Variants in KCNH6 observed in about 807,000 individuals in gnomAD.
KCNH6 encodes voltage-gated inwardly rectifying potassium channel KCNH6.
Under a neutral mutation model 83.4 loss-of-function variants are expected in KCNH6, and 81 were observed. That is an observed-to-expected ratio of 0.97 (90% CI 0.81 to 1.17). The LOEUF (loss-of-function observed/expected upper bound fraction) is 1.17. Among genes scored for constraint, KCNH6 ranks in the 50% most tolerant of loss-of-function variants. The probability of loss-of-function intolerance (pLI) is 0.00; values close to 1 mark genes in which losing one functional copy is unlikely to be tolerated. For synonymous variants in KCNH6, 503 were observed against 545.6 expected (o/e 0.92, Z 1.09); for missense variants, 1,203 against 1,290.5 (o/e 0.93, Z 1.04).
At position 63,536,020 on chromosome 17, in the gene KCNH6, A is replaced by T; in HGVS notation, c.1453A>T (p.Asn485Tyr). 1 of 1,613,774 alleles carries T rather than the reference A, an allele frequency of 6.2e-7. No homozygotes were observed. Among genetic ancestry groups the T allele is most frequent in the East Asian group, 2.2e-5 (1 of 44,886 alleles). Residue 485 changes from asparagine (N) to tyrosine (Y), a missense_variant, in exon 6 of 13, where the codon AAC (asparagine) becomes TAC (tyrosine). By Grantham distance (143) the Asn-to-Tyr change is moderately radical. Transcript: ENST00000314672. ...CGTGGGCTTCGGCAATGTCTCGCCC[A>T]ACACCAACTCCGAGAAGGTCTTCTC... is the stretch of plus-strand genomic sequence containing the variant. Reference protein sequence around the residue: ...TSVGFGNVSPNTNSEKVFSIC... With the variant: ...TSVGFGNVSPYTNSEKVFSIC...
In KCNH6 at chr17:63,535,412, GC is replaced by G. The variant is rs2032415790; in HGVS notation, c.1102-255del. ...GCTCATGCGTCACCTCATCCATGAA[GC>G]CTCCCCTGACCTCCCCTTCCTCTGT... On this transcript the variant is annotated intron_variant, in intron 5 of 12. Transcript: ENST00000314672. The surrounding 1 kb of genome is among the most constrained non-coding windows in gnomAD (Gnocchi z 4.9). 6.6e-6 allele frequency among the ~76,000 whole-genome samples: 1 copy of G among 152,138 alleles called. No homozygotes were observed. The highest frequency in any genetic ancestry group is 6.5e-5 in the Admixed American group (1 of 15,274).
Position 63,535,638 on chromosome 17 carries a change from C to T in KCNH6, c.1102-31C>T. On this transcript the variant is annotated intron_variant, in intron 5 of 12. Transcript: ENST00000314672. The surrounding 1 kb of genome is among the most constrained non-coding windows in gnomAD (Gnocchi z 4.9). ...ACTGCACCCTTCCAAGGGCTGACCC[C>T]AGCCCTGTGACCATTTCCCTACCCC... 6.4e-7 allele frequency: 1 copy of T among 1,570,786 alleles called. No individual in the cohort carries two copies. Among genetic ancestry groups the T allele is most frequent in the Non-Finnish European group, 8.7e-7 (1 of 1,154,474 alleles).
chr17:63,530,844 A>C (rs1380676110), intron 4 of KCNH6, among the ~76,000 whole-genome samples: 1 of 152,158 alleles, frequency 6.6e-6, no homozygotes. Context: ...ATGGACATGG[A>C]GGCCACCATG....
chr17:63,548,009 T>C (rs1194224898), downstream of KCNH6, among the ~76,000 whole-genome samples: 3 of 149,672 alleles, frequency 2.0e-5, no homozygotes, highest in Admixed American at 2.0e-4. Flanking sequence ...CTCACACCTG[T>C]AATCCCAGCA....
chr17:63,527,941 G>A (rs116079705), intron 2 of KCNH6, among the ~76,000 whole-genome samples: 24 of 152,294 alleles, frequency 1.6e-4, no homozygotes, highest in African/African-American at 5.3e-4. Flanking sequence ...CTGCTATAAC[G>A]GGCTGGTCTT....
Position 63,534,459 on chromosome 17 carries a change from C to T in KCNH6, c.1101+148C>T. The stretch of plus-strand genomic sequence containing the variant: ...GTGGAGGTGGAGAGGAGGCCCCAAA[C>T]ATCTGTCACCTCCCAGCCCTGGAGA... On this transcript the variant is annotated intron_variant, in intron 5 of 12. Transcript: ENST00000314672. The surrounding 1 kb of genome is among the most constrained non-coding windows in gnomAD (Gnocchi z 5.0). The T allele has an allele frequency of 1.3e-6, 1 of 782,210 alleles. No homozygotes were observed. Among genetic ancestry groups the T allele is most frequent in the Non-Finnish European group, 2.0e-6 (1 of 500,686 alleles). The allele number at this position is 782,210 out of a possible 1,614,324, so 48.5% of individuals were successfully genotyped here. A position where few individuals can be genotyped will look rare whatever the true frequency, so the allele number is the denominator to read the frequency against.
chr17:63,534,021 G>T lies in KCNH6; in HGVS notation c.811G>T (p.Ala271Ser), dbSNP rs1443390404. ...CATCCTGCTGCTGGTCATCTACACG[G>T]CTGTCTTCACGCCCTACTCAGCCGC... Reference protein sequence around the residue: ...WLILLLVIYTAVFTPYSAAFL... With the variant: ...WLILLLVIYTSVFTPYSAAFL... Residue 271 changes from alanine to serine, a missense_variant, in exon 5 of 13, where the codon GCT becomes TCT. Physicochemically the swap from Ala to Ser is moderately conservative, Grantham distance 99. Transcript: ENST00000314672. This position sits in a 1 kb window ranked among gnomAD's most constrained non-coding sequence, Gnocchi z 5.0. 2.5e-6 allele frequency: 4 copies of T among 1,614,180 alleles called. No individual in the cohort carries two copies.
chr17:63,535,042 G>A lies in KCNH6; in HGVS notation c.1102-627G>A, dbSNP rs374159918. Among the ~76,000 whole-genome samples the A allele has an allele frequency of 2.0e-5, 3 of 152,216 alleles. No individual in the cohort carries two copies. The highest frequency in any genetic ancestry group is 2.1e-4 in the South Asian group (1 of 4,828). ...CGCCCCTCCACACAGCTGCCACAGCGACTTTCAGATCGCCTACCTGACCCT... is the reference window on the plus strand; with the variant it reads ...CGCCCCTCCACACAGCTGCCACAGCAACTTTCAGATCGCCTACCTGACCCT... On this transcript the variant is annotated intron_variant, in intron 5 of 12. Coordinates refer to ENST00000314672, the MANE Select transcript of KCNH6 (RefSeq NM_001278919.2). The surrounding 1 kb of genome is among the most constrained non-coding windows in gnomAD (Gnocchi z 4.9).
intron 4 of KCNH6, among the ~76,000 whole-genome samples, chr17:63,531,609 G>A (rs2147655783): frequency 6.6e-6 from 1 of 152,268 alleles, no homozygotes; most frequent in East Asian, 1.9e-4. Flanking sequence ...CTGACCTCAA[G>A]GATCCTGAGG....
chr17:63,542,275 C>G lies in KCNH6; in HGVS notation c.1989C>G (p.Leu663=). Residue 663 remains leucine (L), a synonymous_variant, in exon 9 of 13, where the codon CTC becomes CTG. Coordinates refer to ENST00000314672, the MANE Select transcript of KCNH6 (RefSeq NM_001278919.2). Reference sequence around the variant, plus strand: ...ACATCTTTGGGGAACCCGTCAGCCTCCATGCCCAGCCAGGCAAGTCCAGTG... The same window carrying G: ...ACATCTTTGGGGAACCCGTCAGCCTGCATGCCCAGCCAGGCAAGTCCAGTG... ...KNDIFGEPVS[L]HAQPGKSSAD... The G allele has an allele frequency of 6.2e-7, 1 of 1,614,128 alleles. No homozygotes were observed. The highest frequency in any genetic ancestry group is 8.5e-7 in the Non-Finnish European group (1 of 1,180,016).
Position 63,524,170 on chromosome 17 carries a change from G to A in KCNH6, c.108G>A (p.Met36Ile). The change falls in exon 2 of 13, where the codon ATG becomes ATA. Residue 36 changes from methionine (M) to isoleucine (I), a missense_variant. By Grantham distance (10) the Met-to-Ile change is conservative. Transcript: ENST00000314672. The stretch of plus-strand genomic sequence containing the variant: ...AGTTCCTGATTGCCAATGCTCAGAT[G>A]GAGAACTGCGCCATCATTTACTGCA... Reference protein sequence around the residue: ...SRKFLIANAQMENCAIIYCND... With the variant: ...SRKFLIANAQIENCAIIYCND... 6.2e-7 allele frequency: 1 copy of A among 1,614,106 alleles called. No individual in the cohort carries two copies. Among genetic ancestry groups the A allele is most frequent in the Non-Finnish European group, 8.5e-7 (1 of 1,179,970 alleles).
rs555765481 is a variant in KCNH6 at position 63,534,242 on chromosome 17, C to G, written c.1032C>G (p.Gly344=). The change falls in exon 5 of 13, where the codon GGC becomes GGG. Residue 344 remains glycine, a synonymous_variant. Transcript: ENST00000314672. The surrounding 1 kb of genome is among the most constrained non-coding windows in gnomAD (Gnocchi z 5.0). Reference sequence around the variant, plus strand: ...GCATCGCCGTCCACTACTTCAAGGGCTGGTTCCTCATTGACATGGTGGCCG... The same window carrying G: ...GCATCGCCGTCCACTACTTCAAGGGGTGGTTCCTCATTGACATGGTGGCCG... ...PRRIAVHYFK[G]WFLIDMVAAI... 2 of 1,614,166 alleles carry G rather than the reference C, an allele frequency of 1.2e-6. No homozygotes were observed. The highest frequency in any genetic ancestry group is 2.7e-5 in the African/African-American group (2 of 75,028).
In KCNH6 at chr17:63,542,345, C is replaced by T. The variant is rs751847080; in HGVS notation, c.2059C>T (p.Arg687Trp). 14 of 1,614,058 alleles carry T rather than the reference C, an allele frequency of 8.7e-6. No individual in the cohort carries two copies. Among genetic ancestry groups the T allele is most frequent in the African/African-American group, 6.7e-5 (5 of 74,956 alleles). ...CTACTGCGACCTGCACAAGATCCAG[C>T]GGGCAGATCTGCTGGAGGTGCTGGA... Reference protein sequence around the residue: ...LTYCDLHKIQRADLLEVLDMY... With the variant: ...LTYCDLHKIQWADLLEVLDMY... The change falls in exon 9 of 13, where the codon CGG becomes TGG. Residue 687 changes from arginine to tryptophan, a missense_variant. By Grantham distance (101) the Arg-to-Trp change is moderately radical. Transcript: ENST00000314672.
chr17:63,545,045 C>T (rs1410103003), intron 11 of KCNH6, 33 bp from the exon 12 acceptor site: 5 of 1,605,322 alleles, frequency 3.1e-6, no homozygotes, highest in Admixed American at 1.7e-5. Flanking sequence ...CTTTTGCCAG[C>T]CCTGACCCTG....
chr17:63,542,280 C>A lies in KCNH6; in HGVS notation c.1994C>A (p.Ala665Asp). 1.9e-6 allele frequency: 3 copies of A among 1,614,110 alleles called. No individual in the cohort carries two copies. The highest frequency in any genetic ancestry group is 2.5e-6 in the Non-Finnish European group (3 of 1,180,006). The change falls in exon 9 of 13, where the codon GCC becomes GAC. Residue 665 changes from alanine (A) to aspartate (D), a missense_variant. Transcript: ENST00000314672. The part of the protein sequence containing the change: ...DIFGEPVSLH[A>D]QPGKSSADVR... Reference sequence around the variant, plus strand: ...TTTGGGGAACCCGTCAGCCTCCATGCCCAGCCAGGCAAGTCCAGTGCAGAC... The same window carrying A: ...TTTGGGGAACCCGTCAGCCTCCATGACCAGCCAGGCAAGTCCAGTGCAGAC...
intron 2 of KCNH6, among the ~76,000 whole-genome samples, chr17:63,529,421 C>T (rs1163340688): frequency 1.3e-5 from 2 of 152,208 alleles, no homozygotes; most frequent in Non-Finnish European, 2.9e-5. Flanking sequence ...GTTCTGGCCC[C>T]AGCACTCTCC....
At chr17:63,545,565 C>T (rs779150391) in intron 12 of KCNH6, 44 bp from the exon 13 acceptor site, 28 of 1,577,180 alleles carry the variant, frequency 1.8e-5, no homozygotes, top group African/African-American at 8.1e-5. Context: ...TGGATTAACC[C>T]GCAGCCTGGC....
At position 63,533,920 on chromosome 17, in the gene KCNH6, A is replaced by G; in HGVS notation, c.710A>G (p.Tyr237Cys). 6.2e-7 allele frequency: 1 copy of G among 1,613,828 alleles called. No individual in the cohort carries two copies. The highest frequency in any genetic ancestry group is 1.3e-5 in the African/African-American group (1 of 75,000). Residue 237 changes from tyrosine (Y) to cysteine (C), a missense_variant, in exon 5 of 13, where the codon TAC becomes TGC. Coordinates refer to ENST00000314672, the MANE Select transcript of KCNH6 (RefSeq NM_001278919.2). This position sits in a 1 kb window ranked among gnomAD's most constrained non-coding sequence, Gnocchi z 4.1. ...CTGGGCGCGGATGTGCTGCCGGAGT[A>G]CAAGCTGCAGGCGCCGCGCATCCAC... is the stretch of plus-strand genomic sequence containing the variant. ...LSLGADVLPE[Y>C]KLQAPRIHRW...
chr17:63,524,080 C>T lies in KCNH6; in HGVS notation c.77-59C>T, dbSNP rs1329040771. The T allele has an allele frequency of 2.5e-6, 3 of 1,220,834 alleles. No individual in the cohort carries two copies. In the African/African-American group the frequency reaches 4.5e-5, roughly 18 times the overall value. The allele number at this position is 1,220,834 out of a possible 1,614,324, so 75.6% of individuals were successfully genotyped here. On this transcript the variant is annotated intron_variant, in intron 1 of 12. Transcript: ENST00000314672. ...CCACCAAGAGTCCTTATGATCTTTC[C>T]CTCCCAGCCGCTGGATCCTGGCTCC...
Sources: gnomAD v4.1 joint callset for allele counts (sites outside exome capture counted in the v4.1 genomes callset) on GRCh38, gnomAD v4.1.1 for gene constraint, Gnocchi (gnomAD v3.1) non-coding constraint, MANE v1.5 for transcripts, NCBI Gene and HGNC (gene_info 2026-07-23, HGNC 2026-07-21) for gene names.